MTUS2: variants seen among roughly 807,000 people sequenced by gnomAD.
MTUS2 encodes the protein microtubule-associated tumor suppressor candidate 2.
In MTUS2, 40 loss-of-function variants were observed where a neutral mutation model predicts 114.1. That is an observed-to-expected ratio of 0.35 (90% CI 0.27 to 0.46). MTUS2 has a LOEUF of 0.46. MTUS2 is among the 20% of genes least tolerant of loss of function. MTUS2 has a pLI of 1.00. For synonymous variants in MTUS2, 688 were observed against 672.0 expected (o/e 1.02, Z -0.37); for missense variants, 1,679 against 1,705.4 (o/e 0.98, Z 0.27).
intron 2 of MTUS2, among the ~76,000 whole-genome samples, chr13:28,856,114 T>G (rs569191086): frequency 6.6e-6 from 1 of 152,120 alleles, no homozygotes; most frequent in South Asian, 2.1e-4. Context: ...AGAAGAAGGG[T>G]AGTTGTGAGA....
Position 29,033,780 on chromosome 13 carries a change from G to A in MTUS2, c.2206-105G>A, listed in dbSNP as rs80175231. On this transcript the variant is annotated intron_variant, in intron 3 of 15. Coordinates refer to ENST00000612955, the MANE Select transcript of MTUS2 (RefSeq NM_001033602.4). ...AGGGGACTTGTGATCAAGCAGCTAA[G>A]TGGTACCAGAGTGGTCATTGGTTCA... 894 of 1,390,410 alleles carry A rather than the reference G, an allele frequency of 6.4e-4. 9 individuals carry two copies. In the African/African-American group the frequency reaches 0.012, roughly 18 times the overall value. The allele number at this position is 1,390,410 out of a possible 1,614,324, so 86.1% of individuals were successfully genotyped here.
At chr13:29,222,008 G>A (rs1329423481) in intron 5 of MTUS2, among the ~76,000 whole-genome samples, 2 of 152,124 alleles carry the variant, frequency 1.3e-5, no homozygotes, top group Non-Finnish European at 2.9e-5. Context: ...CTATTTATAG[G>A]CACCATCATA....
chr13:29,218,533 A>G (rs887001632), intron 5 of MTUS2, among the ~76,000 whole-genome samples: 2 of 152,268 alleles, frequency 1.3e-5, no homozygotes, highest in Non-Finnish European at 2.9e-5. Flanking sequence ...CAGATCCATT[A>G]AGGGAATCAT....
At chr13:28,970,704 T>A (rs1883816058) in intron 2 of MTUS2, among the ~76,000 whole-genome samples, 1 of 152,210 alleles carries the variant, frequency 6.6e-6, no homozygotes, top group South Asian at 2.1e-4. Flanking sequence ...GAAAACTTAG[T>A]TTTCCCGGCC....
chr13:29,113,031 A>T (rs907771373), intron 5 of MTUS2, among the ~76,000 whole-genome samples: 1 of 152,190 alleles, frequency 6.6e-6, no homozygotes, highest in South Asian at 2.1e-4. Flanking sequence ...ACATGATTTT[A>T]TACCGGAAAC....
chr13:29,247,910 C>G (rs9508324), intron 5 of MTUS2, among the ~76,000 whole-genome samples: 142,087 of 152,270 alleles, frequency 0.93, 67,097 homozygotes, highest in East Asian at 1. Flanking sequence ...TACCTACCTA[C>G]AGGAAAAGAA....
At chr13:28,989,674 G>T (rs543622724) in intron 2 of MTUS2, among the ~76,000 whole-genome samples, 1 of 152,264 alleles carries the variant, frequency 6.6e-6, no homozygotes, top group East Asian at 1.9e-4. Flanking sequence ...AGGGTGGACG[G>T]CAGCCACCTC....
At chr13:29,285,601 C>T (rs1898447287) in intron 6 of MTUS2, among the ~76,000 whole-genome samples, 1 of 152,110 alleles carries the variant, frequency 6.6e-6, no homozygotes, top group African/African-American at 2.4e-5. Flanking sequence ...TGCAGAGAAG[C>T]ACGTTAAAAA....
At chr13:29,391,775 T>C (rs75165299) in intron 8 of MTUS2, among the ~76,000 whole-genome samples, 1,599 of 152,210 alleles carry the variant, frequency 0.011, 29 homozygotes, top group African/African-American at 0.036. Flanking sequence ...TCATTTTAGG[T>C]GTCCAATTCA....
chr13:29,112,383 G>A (rs547886080), intron 5 of MTUS2, among the ~76,000 whole-genome samples: 1 of 152,252 alleles, frequency 6.6e-6, no homozygotes, highest in South Asian at 2.1e-4. Context: ...TGTGCTGTGG[G>A]GCTGAGATGT....
chr13:29,195,792 C>T (rs73447256), intron 5 of MTUS2, among the ~76,000 whole-genome samples: 2,641 of 152,128 alleles, frequency 0.017, 83 homozygotes, highest in African/African-American at 0.059. Context: ...GAAGCAAAAA[C>T]CAGTGTGATG....
At chr13:29,323,776 T>C (rs1042093664) in intron 6 of MTUS2, among the ~76,000 whole-genome samples, 3 of 151,990 alleles carry the variant, frequency 2.0e-5, no homozygotes, top group African/African-American at 7.3e-5. Flanking sequence ...TCTCAGGGTT[T>C]GGGGGTGAGC....
intron 5 of MTUS2, among the ~76,000 whole-genome samples, chr13:29,175,820 G>T (rs1893749344): frequency 6.6e-6 from 1 of 151,136 alleles, no homozygotes; most frequent in South Asian, 2.1e-4. Context: ...CTTATATCCT[G>T]TTGTGGCTGC....
chr13:29,013,129 T>C (rs990867679), intron 2 of MTUS2, among the ~76,000 whole-genome samples: 5 of 152,238 alleles, frequency 3.3e-5, no homozygotes, highest in African/African-American at 1.2e-4. Flanking sequence ...TACATTGTCT[T>C]TTCTGTGATT....
chr13:29,141,724 G>A (rs964749078), intron 5 of MTUS2, among the ~76,000 whole-genome samples: 3 of 152,170 alleles, frequency 2.0e-5, no homozygotes, highest in African/African-American at 7.2e-5. Flanking sequence ...TGTGGCATTA[G>A]CCAAATATGT....
intron 2 of MTUS2, among the ~76,000 whole-genome samples, chr13:28,960,117 TTCA>T (rs1883255177): frequency 6.6e-6 from 1 of 152,138 alleles, no homozygotes; most frequent in South Asian, 2.1e-4. Flanking sequence ...ATAAAATTGC[TTCA>T]ATAACACACA....
At chr13:28,864,231 C>A (rs909252059) in intron 2 of MTUS2, among the ~76,000 whole-genome samples, 2 of 152,264 alleles carry the variant, frequency 1.3e-5, no homozygotes, top group Middle Eastern at 3.4e-3. Context: ...TAGAAACATA[C>A]CAATTGTGAG....
At chr13:29,149,409 A>G (rs536163482) in intron 5 of MTUS2, among the ~76,000 whole-genome samples, 3 of 152,274 alleles carry the variant, frequency 2.0e-5, no homozygotes, top group African/African-American at 7.2e-5. Context: ...AGTTCCTTGT[A>G]GATACTGGAT....
rs538547856 is a variant in MTUS2 at position 29,364,084 on chromosome 13, C to T, written c.3117+4611C>T. ...ATGATGCTACTTCTCCCTCTCTTCA[C>T]AATCATCAAGGTGCTTTTTATGTAT... On this transcript the variant is annotated intron_variant, in intron 8 of 15. Coordinates refer to ENST00000612955, the MANE Select transcript of MTUS2 (RefSeq NM_001033602.4). 2.6e-5 allele frequency among the ~76,000 whole-genome samples: 4 copies of T among 152,266 alleles called. No individual in the cohort carries two copies. In the South Asian group the frequency reaches 8.3e-4, roughly 32 times the overall value.
Sources: allele counts gnomAD v4.1 joint callset (sites outside exome capture counted in the v4.1 genomes callset), GRCh38; gene constraint gnomAD v4.1.1; transcripts MANE v1.5; gene names NCBI Gene and HGNC (gene_info 2026-07-23, HGNC 2026-07-21).